Variants in NUP214 observed in about 807,000 individuals in gnomAD.
NUP214 encodes the protein nucleoporin 214.
In NUP214, 79 loss-of-function variants were observed where a neutral mutation model predicts 196.2. The observed-to-expected ratio is 0.40, with a 90% CI of 0.34 to 0.49. The LOEUF (loss-of-function observed/expected upper bound fraction) is 0.49. Ranked by LOEUF, NUP214 falls within the 20% of genes least tolerant of loss-of-function variation. The probability of loss-of-function intolerance (pLI) is 0.58; values close to 1 mark genes in which losing one functional copy is unlikely to be tolerated. For missense variants in NUP214, 2,468 were observed against 2,539.0 expected (o/e 0.97, Z 0.60); for synonymous variants, 1,020 against 990.5 (o/e 1.03, Z -0.56).
chr9:131,174,775 A>G (rs760460086), intron 22 of NUP214, among the ~76,000 whole-genome samples: 1 of 152,076 alleles, frequency 6.6e-6, no homozygotes, highest in Non-Finnish European at 1.5e-5. Context: ...TTCTGCTTAT[A>G]TTCTAGAAAT....
intron 31 of NUP214, among the ~76,000 whole-genome samples, chr9:131,222,148 T>A (rs1237196639): frequency 6.6e-6 from 1 of 152,210 alleles, no homozygotes; most frequent in Non-Finnish European, 1.5e-5. Context: ...CTTGCTAGCC[T>A]CTTTAACATT....
chr9:131,222,719 G>A, intron 31 of NUP214, 59 bp from the exon 32 acceptor site: 4 of 1,555,122 alleles, frequency 2.6e-6, no homozygotes, highest in African/African-American at 1.4e-5. Flanking sequence ...TCTGTGTTCT[G>A]AGAAGCAGGT....
In NUP214 at chr9:131,140,423, A is replaced by G. The variant is rs573453548; in HGVS notation, c.1133-126A>G. On this transcript the variant is annotated intron_variant, in intron 10 of 35. Coordinates refer to ENST00000359428, the MANE Select transcript of NUP214 (RefSeq NM_005085.4). ...GCTGTTCAGATATAAAATCAGAACA[A>G]ACTAACTTGAGCTGCTATTCAGATG... 41 of 738,886 alleles carry G rather than the reference A, an allele frequency of 5.5e-5. No individual in the cohort carries two copies. In the African/African-American group the frequency reaches 6.4e-4, roughly 12 times the overall value. 45.8% of individuals were successfully genotyped at this position (738,886 alleles called of 1,614,324 possible).
chr9:131,140,773 A>G, intron 11 of NUP214, 63 bp downstream of exon 11: 1 of 1,482,978 alleles, frequency 6.7e-7, no homozygotes, highest in South Asian at 1.2e-5. Context: ...GAGTATTTCC[A>G]AGAATGAACA....
At chr9:131,151,607 C>A in intron 16 of NUP214, 129 bp from the exon 17 acceptor site, 3 of 600,132 alleles carry the variant, frequency 5.0e-6, no homozygotes, top group Admixed American at 3.0e-5. Context: ...CTTTTTTTAC[C>A]TGAGTTAAAT....
At chr9:131,222,995 G>A (rs547173769) in intron 32 of NUP214, 65 bp downstream of exon 32, 4 of 1,495,440 alleles carry the variant, frequency 2.7e-6, no homozygotes, top group Non-Finnish European at 3.7e-6. Flanking sequence ...TAGATATCTG[G>A]AAGGAGACAT....
chr9:131,215,147 A>T, intron 30 of NUP214, 65 bp from the exon 31 acceptor site: 1 of 1,398,138 alleles, frequency 7.2e-7, no homozygotes, highest in South Asian at 1.7e-5. Context: ...CTGCCCACGG[A>T]TGCAGCCTGC....
chr9:131,217,371 T>C (rs1431324608), intron 31 of NUP214, among the ~76,000 whole-genome samples: 1 of 152,232 alleles, frequency 6.6e-6, no homozygotes, highest in Non-Finnish European at 1.5e-5. Flanking sequence ...TCAAGTCTAG[T>C]AGTTTTCAAA....
intron 12 of NUP214, among the ~76,000 whole-genome samples, chr9:131,145,539 A>G (rs181889622): frequency 6.6e-6 from 1 of 152,320 alleles, no homozygotes; most frequent in East Asian, 1.9e-4. Flanking sequence ...ACTTCATGCT[A>G]AGGGTTGCAT....
At position 131,198,356 on chromosome 9, in the gene NUP214, C is replaced by T. The variant is rs760416353; in HGVS notation, c.4862C>T (p.Thr1621Met). The T allele has an allele frequency of 7.4e-6, 12 of 1,614,238 alleles. No individual in the cohort carries two copies. The highest frequency in any genetic ancestry group is 1.6e-4 in the Middle Eastern group (1 of 6,062). Residue 1621 changes from threonine to methionine, a missense_variant, in exon 29 of 36, where the codon ACG becomes ATG. Physicochemically the swap from Thr to Met is moderately conservative, Grantham distance 81. This residue lies in a region of NUP214 where 1,801 missense variants were observed against 1,779.4 expected (regional missense o/e 1.01). Transcript: ENST00000359428. ...TSSTPIASST[T>M]SIVAPGPSAE... Reference sequence around the variant, plus strand: ...AGTACCCCCATAGCCTCCAGCACCACGTCCATTGTTGCTCCCGGCCCATCT... The same window carrying T: ...AGTACCCCCATAGCCTCCAGCACCATGTCCATTGTTGCTCCCGGCCCATCT...
chr9:131,140,393 G>A (rs1831873200), intron 10 of NUP214, among the ~76,000 whole-genome samples, 156 bp from the exon 11 acceptor site: 1 of 152,152 alleles, frequency 6.6e-6, no homozygotes, highest in Admixed American at 6.5e-5. Context: ...GCTGGTGCAC[G>A]AAAGGCTGTT....
intron 9 of NUP214, among the ~76,000 whole-genome samples, chr9:131,137,660 C>T (rs574516708): frequency 6.7e-6 from 1 of 150,284 alleles, no homozygotes; most frequent in East Asian, 2.0e-4. Context: ...AAGCGATTCT[C>T]ATGCCTCAGC....
At position 131,189,071 on chromosome 9, in the gene NUP214, C is replaced by T; in HGVS notation, c.3514C>T (p.Leu1172Phe). Residue 1172 changes from leucine (L) to phenylalanine (F), a missense_variant, in exon 26 of 36, where the codon CTT (leucine) becomes TTT (phenylalanine). Physicochemically the swap from Leu to Phe is conservative, Grantham distance 22. Transcript: ENST00000359428. Reference sequence around the variant, plus strand: ...GTTATAGGGGTCTCTAATAAATTCCCTTAAGCCATCTGGGCCTACACCAGC... The same window carrying T: ...GTTATAGGGGTCTCTAATAAATTCCTTTAAGCCATCTGGGCCTACACCAGC... The part of the protein sequence containing the change: ...QAKQGSLINS[L>F]KPSGPTPASG... 6.2e-7 allele frequency: 1 copy of T among 1,613,896 alleles called. No homozygotes were observed. Among genetic ancestry groups the T allele is most frequent in the Non-Finnish European group, 8.5e-7 (1 of 1,179,798 alleles).
chr9:131,190,276 A>G (rs968787630), intron 26 of NUP214: 1 of 528,814 alleles, frequency 1.9e-6, no homozygotes, highest in Non-Finnish European at 3.3e-6. Context: ...GTTTTGAAAG[A>G]TCATATACTC....
chr9:131,127,481 T>A, intron 1 of NUP214, 43 bp from the exon 2 acceptor site: 1 of 1,509,884 alleles, frequency 6.6e-7, no homozygotes, highest in Non-Finnish European at 9.1e-7. Flanking sequence ...TGTTTTAATT[T>A]CTTTCTTTAT....
rs1177177623 is a variant in NUP214, at chr9:131,234,297, G to A, written c.*810G>A. On this transcript the variant is annotated 3_prime_UTR_variant, in exon 36 of 36. Transcript: ENST00000359428. ...TAACCACAGTGCAGATAGCCCTTGG[G>A]TAGACCCAGGAAGTGTGAAGACAGA... The A allele has an allele frequency of 3.9e-5, 9 of 232,770 alleles. No homozygotes were observed. The highest frequency in any genetic ancestry group is 5.9e-5 in the Non-Finnish European group (7 of 117,830). The allele number at this position is 232,770 out of a possible 1,614,324, so 14.4% of individuals were successfully genotyped here.
chr9:131,132,553 T>C (rs779755516), intron 5 of NUP214, 43 bp from the exon 6 acceptor site: 105 of 1,529,546 alleles, frequency 6.9e-5, no homozygotes, highest in Admixed American at 6.7e-4. Context: ...GTTTAGGATT[T>C]GTTTCATTTG....
intron 30 of NUP214, among the ~76,000 whole-genome samples, chr9:131,213,531 A>G (rs1347666304): frequency 6.6e-6 from 1 of 152,178 alleles, no homozygotes; most frequent in African/African-American, 2.4e-5. Context: ...GAGCTTTTTC[A>G]GGCAAAATGC....
intron 21 of NUP214, among the ~76,000 whole-genome samples, chr9:131,166,556 C>T (rs979880057): frequency 1.3e-5 from 2 of 152,162 alleles, no homozygotes; most frequent in Non-Finnish European, 2.9e-5. Flanking sequence ...AAGAATAACT[C>T]AGCATGTAAA....
Sources: gnomAD v4.1 joint callset for allele counts (sites outside exome capture counted in the v4.1 genomes callset) on GRCh38, gnomAD v4.1.1 for gene constraint, gnomAD v4.1.1 regional missense constraint, MANE v1.5 for transcripts, NCBI Gene and HGNC (gene_info 2026-07-23, HGNC 2026-07-21) for gene names.